The following FAM149A variants were observed in gnomAD, a reference collection of about 807,000 sequenced individuals.
FAM149A encodes the protein family with sequence similarity 149 member A.
In FAM149A, 71 loss-of-function variants were observed where a neutral mutation model predicts 78.2. The observed-to-expected ratio is 0.91, with a 90% CI of 0.75 to 1.11. The LOEUF (loss-of-function observed/expected upper bound fraction) is 1.11, where lower values mean the gene tolerates loss of function less well. Ranked by LOEUF, FAM149A falls within the 50% of genes least tolerant of loss-of-function variation. FAM149A has a pLI of 0.00. For missense variants in FAM149A, 1,036 were observed against 971.0 expected (o/e 1.07, Z -0.89); for synonymous variants, 446 against 410.5 (o/e 1.09, Z -1.04).
At chr4:186,137,616 G>T (rs1339673207) in intron 1 of FAM149A, among the ~76,000 whole-genome samples, 4 of 151,782 alleles carry the variant, frequency 2.6e-5, no homozygotes, top group African/African-American at 9.7e-5. Flanking sequence ...GATGAAAGAG[G>T]GGAAATGTTG....
At chr4:186,163,783 G>A (rs1296814497) in intron 10 of FAM149A, 150 bp downstream of exon 10, 14 of 658,582 alleles carry the variant, frequency 2.1e-5, no homozygotes, top group South Asian at 9.2e-5. Flanking sequence ...TTAACATTCC[G>A]CTTGCTCCAG....
rs185297572 is a variant in FAM149A at position 186,152,444 on chromosome 4, C to A, written c.932+399C>A. Among the ~76,000 whole-genome samples, 27 of 152,124 alleles carry A rather than the reference C, an allele frequency of 1.8e-4. 1 individual carries two copies. The East Asian group carries it at 5.0e-3, about 28-fold the overall frequency. ...TGGATAGATGGGTCTTCCCATCTCA[C>A]CCATTCCTTATGTAGGGAGGAGCAT... On this transcript the variant is annotated intron_variant, in intron 4 of 13. Coordinates refer to ENST00000389354, the MANE Select transcript of FAM149A (RefSeq NM_001367768.3).
At position 186,105,662 on chromosome 4, in the gene FAM149A, G is replaced by A. The variant is rs1298543850; in HGVS notation, c.566+20G>A. 1.7e-5 allele frequency: 18 copies of A among 1,052,328 alleles called. No homozygotes were observed. In the Admixed American group the frequency reaches 8.5e-4, roughly 50 times the overall value. 65.2% of individuals were successfully genotyped at this position (1,052,328 alleles called of 1,614,324 possible). ...CGAAGCGTGAGTAGCAGCGTGGTCC[G>A]GGCGCGTGTACCTTTTGCCGGGACC... is the stretch of plus-strand genomic sequence containing the variant. On this transcript the variant is annotated intron_variant, in intron 1 of 13. Transcript: ENST00000389354.
In FAM149A at chr4:186,136,956, C is replaced by CTCTT. The variant is rs1480725035; in HGVS notation, c.567-12214_567-12213insTTCT. Among the ~76,000 whole-genome samples, 161 of 105,674 alleles carry CTCTT rather than the reference C, an allele frequency of 1.5e-3. 1 individual carries two copies. The highest frequency in any genetic ancestry group is 6.4e-3 in the African/African-American group (150 of 23,452). The allele number at this position is 105,674 out of a possible 152,430, so 69.3% of individuals were successfully genotyped here. A position where few individuals can be genotyped will look rare whatever the true frequency, so the allele number is the denominator to read the frequency against. ...GATTGATCTCTCTCTCTCTCTCTCT[C>CTCTT]TCTCTCTTTCTCTCTCTCTTTCTCT... On this transcript the variant is annotated intron_variant, in intron 1 of 13. Transcript: ENST00000389354.
intron 3 of FAM149A, among the ~76,000 whole-genome samples, chr4:186,150,737 T>C (rs1475084288): frequency 8.6e-5 from 13 of 150,476 alleles, no homozygotes; most frequent in Non-Finnish European, 1.6e-4. Flanking sequence ...CTTTTTTTTT[T>C]TTAAGACAGA....
intron 1 of FAM149A, among the ~76,000 whole-genome samples, chr4:186,130,863 G>A (rs193065994): frequency 6.6e-6 from 1 of 152,280 alleles, no homozygotes; most frequent in Non-Finnish European, 1.5e-5. Context: ...TTTGTACATG[G>A]ATGTTTGGTT....
intron 6 of FAM149A, among the ~76,000 whole-genome samples, chr4:186,155,214 C>T (rs1441298704): frequency 6.6e-6 from 1 of 152,046 alleles, no homozygotes; most frequent in Non-Finnish European, 1.5e-5. Context: ...GATCCTTCTG[C>T]CTCGGCCTCC....
At chr4:186,109,062 T>TG (rs1188658793) in intron 1 of FAM149A, 1 of 252,328 alleles carries the variant, frequency 4.0e-6, no homozygotes, top group Non-Finnish European at 6.3e-6. Context: ...TTAGCCAGGA[T>TG]GGTCTCGATC....
intron 13 of FAM149A, among the ~76,000 whole-genome samples, chr4:186,168,479 C>T (rs1189867040): frequency 6.6e-6 from 1 of 152,198 alleles, no homozygotes; most frequent in African/African-American, 2.4e-5. Flanking sequence ...CCACAGCCCC[C>T]CAAGTAGCTG....
chr4:186,122,186 T>C (rs1579796815), intron 1 of FAM149A, among the ~76,000 whole-genome samples: 1 of 152,212 alleles, frequency 6.6e-6, no homozygotes, highest in Admixed American at 6.5e-5. Flanking sequence ...ATGTAGACAG[T>C]AGGCTGTTCT....
chr4:186,160,598 A>G (rs563740599), intron 8 of FAM149A, among the ~76,000 whole-genome samples: 1 of 146,360 alleles, frequency 6.8e-6, no homozygotes, highest in African/African-American at 2.6e-5. Flanking sequence ...CACACCACAC[A>G]CATACACCAC....
chr4:186,169,729 G>A (rs958176475), intron 13 of FAM149A: 2 of 985,212 alleles, frequency 2.0e-6, no homozygotes, highest in African/African-American at 3.5e-5. Flanking sequence ...GGGGACTGCA[G>A]TGACCCCCAC....
intron 1 of FAM149A, among the ~76,000 whole-genome samples, chr4:186,136,961 TCTTTCTCTCTCTCTTTCTCTCTCTCTCTC>T (rs2099323173): frequency 1.1e-4 from 11 of 103,886 alleles, no homozygotes; most frequent in South Asian, 3.3e-4. Context: ...TCTCTCTCTC[TCTTTCTCTCTCTCTTTCTCTCTCTCTCTC>T]TCTCTCTCTC....
At chr4:186,129,488 T>G (rs2099319676) in intron 1 of FAM149A, among the ~76,000 whole-genome samples, 1 of 152,202 alleles carries the variant, frequency 6.6e-6, no homozygotes, top group African/African-American at 2.4e-5. Flanking sequence ...AAAAGTTCTC[T>G]TGATTCCGCT....
At position 186,109,515 on chromosome 4, in the gene FAM149A, C is replaced by T. The variant is rs143604625; in HGVS notation, c.566+3873C>T. 6.0e-5 allele frequency: 59 copies of T among 985,346 alleles called. 1 individual carries two copies. The East Asian group carries it at 5.5e-3, about 91-fold the overall frequency. The allele number at this position is 985,346 out of a possible 1,614,324, so 61.0% of individuals were successfully genotyped here. A position where few individuals can be genotyped will look rare whatever the true frequency, so the allele number is the denominator to read the frequency against. ...AGACGAGGTGGATTCCACCTCAAACCGATTGCTAGCTGAGTAATTCTGGGC... is the reference window on the plus strand; with the variant it reads ...AGACGAGGTGGATTCCACCTCAAACTGATTGCTAGCTGAGTAATTCTGGGC... On this transcript the variant is annotated intron_variant, in intron 1 of 13. Transcript: ENST00000389354.
chr4:186,131,922 G>A (rs2099320893), intron 1 of FAM149A: 1 of 985,328 alleles, frequency 1.0e-6, no homozygotes, highest in South Asian at 4.7e-5. Context: ...AACAAGCTTT[G>A]TAAGGCCAGC....
At position 186,156,178 on chromosome 4, in the gene FAM149A, A is replaced by G. The variant is rs1338096565; in HGVS notation, c.1408A>G (p.Thr470Ala). The G allele has an allele frequency of 6.2e-7, 1 of 1,612,344 alleles. No homozygotes were observed. Among genetic ancestry groups the G allele is most frequent in the Non-Finnish European group, 8.5e-7 (1 of 1,179,288 alleles). The change falls in exon 7 of 14, where the codon ACT (threonine) becomes GCT (alanine). Residue 470 changes from threonine (T) to alanine (A), a missense_variant. Physicochemically the swap from Thr to Ala is moderately conservative, Grantham distance 58. This residue lies in a region of FAM149A where 716 missense variants were observed against 711.8 expected (regional missense o/e 1.01). Transcript: ENST00000389354. ...AGAGCTGATTAGAAAACACTGGGAA[A>G]CTACACTCACAGGTACTTACATGCA...
At chr4:186,165,807 C>G (rs555592192) in intron 11 of FAM149A, among the ~76,000 whole-genome samples, 1 of 152,318 alleles carries the variant, frequency 6.6e-6, no homozygotes, top group Admixed American at 6.5e-5. Flanking sequence ...CACAGAAACT[C>G]TCTTCTATGA....
intron 13 of FAM149A, chr4:186,170,926 A>G (rs989014173): frequency 6.6e-6 from 1 of 152,256 alleles, no homozygotes; most frequent in African/African-American, 2.4e-5. Flanking sequence ...GTCATGAACA[A>G]AACTCTTTCA....
Sources: gnomAD v4.1 joint callset for allele counts (sites outside exome capture counted in the v4.1 genomes callset) on GRCh38, gnomAD v4.1.1 for gene constraint, gnomAD v4.1.1 regional missense constraint, MANE v1.5 for transcripts, NCBI Gene and HGNC (gene_info 2026-07-23, HGNC 2026-07-21) for gene names.